The following KCNH8 variants were observed in gnomAD, a reference collection of about 807,000 sequenced individuals.
KCNH8 encodes potassium voltage-gated channel subfamily H member 8, also known as voltage-gated delayed rectifier potassium channel KCNH8.
Under a neutral mutation model 103.6 loss-of-function variants are expected in KCNH8, and 70 were observed. The observed-to-expected ratio is 0.68, with a 90% CI of 0.56 to 0.82. The LOEUF is 0.82. Among genes scored for constraint, KCNH8 ranks in the 40% least tolerant of loss-of-function variants. KCNH8 has a pLI of 0.00. For synonymous variants in KCNH8, 498 were observed against 489.4 expected (o/e 1.02, Z -0.23); for missense variants, 1,217 against 1,329.9 (o/e 0.92, Z 1.32).
chr3:19,521,516 C>T (rs535528845), intron 15 of KCNH8, among the ~76,000 whole-genome samples: 59 of 151,978 alleles, frequency 3.9e-4, no homozygotes, highest in African/African-American at 1.3e-3. Flanking sequence ...ATTCAACAAA[C>T]GGTGACTCTC....
At chr3:19,353,432 AAAG>A (rs572647675) in intron 5 of KCNH8, among the ~76,000 whole-genome samples, 86 of 152,168 alleles carry the variant, frequency 5.7e-4, no homozygotes, top group Admixed American at 8.5e-4. Flanking sequence ...CAAAACAAAA[AAAG>A]AGAATTTTAG....
chr3:19,156,139 T>A (rs1322854253), intron 1 of KCNH8, among the ~76,000 whole-genome samples: 3 of 152,182 alleles, frequency 2.0e-5, no homozygotes, highest in Non-Finnish European at 2.9e-5. Flanking sequence ...CAAATTTCTT[T>A]TACAAACTCT....
chr3:19,335,483 GTATA>G (rs3067331), intron 3 of KCNH8, among the ~76,000 whole-genome samples: 4,004 of 141,246 alleles, frequency 0.028, 99 homozygotes, highest in African/African-American at 0.064. Context: ...ATATGTGTGT[GTATA>G]TATATATATA....
chr3:19,257,685 C>G (rs1209359677), intron 2 of KCNH8, among the ~76,000 whole-genome samples: 4 of 151,956 alleles, frequency 2.6e-5, no homozygotes, highest in Admixed American at 2.6e-4. Flanking sequence ...ACGTAGAGAA[C>G]AAAGATTTAA....
Position 19,253,883 on chromosome 3 carries a change from A to G in KCNH8, c.306A>G (p.Lys102=). 6.2e-7 allele frequency: 1 copy of G among 1,609,328 alleles called. No individual in the cohort carries two copies. The highest frequency in any genetic ancestry group is 8.5e-7 in the Non-Finnish European group (1 of 1,175,956). Residue 102 remains lysine, a synonymous_variant, in exon 2 of 16, where the codon AAA becomes AAG. Coordinates refer to ENST00000328405, the MANE Select transcript of KCNH8 (RefSeq NM_144633.3). ...AAGGAGAAATTATGTTCTACAAGAA[A>G]AACGGTGAGTTGGCTTTCTTTCGTG... ...EFKGEIMFYK[K]NGSPFWCLLD...
At chr3:19,242,253 G>A (rs1343310457) in intron 1 of KCNH8, among the ~76,000 whole-genome samples, 1 of 152,176 alleles carries the variant, frequency 6.6e-6, no homozygotes, top group Non-Finnish European at 1.5e-5. Flanking sequence ...AAAAGCAGGT[G>A]TTAAATCCAC....
chr3:19,287,902 C>T (rs1381845422), intron 3 of KCNH8, among the ~76,000 whole-genome samples: 2 of 152,092 alleles, frequency 1.3e-5, no homozygotes, highest in Non-Finnish European at 2.9e-5. Context: ...GACTTTCTAA[C>T]TACCATTTCA....
chr3:19,377,265 A>G (rs748773139), intron 5 of KCNH8, among the ~76,000 whole-genome samples: 9 of 152,342 alleles, frequency 5.9e-5, no homozygotes, highest in Non-Finnish European at 1.3e-4. Context: ...TTTCTGCTGT[A>G]CAGGATCCAC....
In KCNH8 at chr3:19,240,787, T is replaced by C. The variant is rs141502922; in HGVS notation, c.77-12867T>C. ...TAAGATACACCTCTGCCTTTCTAGT[T>C]ATTAAGGCAAAAGCATTGACATCAT... On this transcript the variant is annotated intron_variant, in intron 1 of 15. Transcript: ENST00000328405. 1.8e-3 allele frequency among the ~76,000 whole-genome samples: 280 copies of C among 152,210 alleles called. 4 individuals are homozygous for C. Among genetic ancestry groups the C allele is most frequent in the Admixed American group, 0.016 (238 of 15,298 alleles).
At chr3:19,234,380 T>G (rs1370204815) in intron 1 of KCNH8, among the ~76,000 whole-genome samples, 1 of 152,080 alleles carries the variant, frequency 6.6e-6, no homozygotes, top group African/African-American at 2.4e-5. Context: ...GCCCACGGAG[T>G]TGGGGGGAGG....
chr3:19,344,866 T>C (rs2065708575), intron 4 of KCNH8, among the ~76,000 whole-genome samples: 1 of 152,208 alleles, frequency 6.6e-6, no homozygotes, highest in South Asian at 2.1e-4. Flanking sequence ...CTGATTTTTA[T>C]TAGTCCCATT....
intron 1 of KCNH8, among the ~76,000 whole-genome samples, chr3:19,152,040 A>G (rs1369929301): frequency 6.6e-6 from 1 of 152,128 alleles, no homozygotes; most frequent in East Asian, 1.9e-4. Context: ...ATTATTACAC[A>G]TAGCAAAAAC....
At chr3:19,440,814 C>T (rs2067272181) in intron 8 of KCNH8, among the ~76,000 whole-genome samples, 1 of 152,174 alleles carries the variant, frequency 6.6e-6, no homozygotes, top group Non-Finnish European at 1.5e-5. Flanking sequence ...AGTGTTCTGA[C>T]ATAATACCAT....
At chr3:19,419,151 A>G (rs1391385702) in intron 7 of KCNH8, among the ~76,000 whole-genome samples, 1 of 130,706 alleles carries the variant, frequency 7.7e-6, no homozygotes, top group Non-Finnish European at 1.7e-5. Flanking sequence ...TGTATTTAGG[A>G]TTTTTCCATC....
At chr3:19,318,640 AGTGTGTGTGTGTGTGTGT>A (rs113809907) in intron 3 of KCNH8, among the ~76,000 whole-genome samples, 1 of 131,310 alleles carries the variant, frequency 7.6e-6, no homozygotes, top group Admixed American at 7.9e-5. Context: ...TTACATGGTA[AGTGTGTGTGTGTGTGTGT>A]GTGTACACAC....
intron 5 of KCNH8, among the ~76,000 whole-genome samples, chr3:19,368,929 A>G (rs1300051179): frequency 6.6e-6 from 1 of 152,034 alleles, no homozygotes; most frequent in Admixed American, 6.6e-5. Context: ...TCTCATTTGA[A>G]ACATATAAAA....
intron 1 of KCNH8, among the ~76,000 whole-genome samples, chr3:19,193,510 G>A (rs1297917085): frequency 1.3e-5 from 2 of 151,606 alleles, no homozygotes; most frequent in Non-Finnish European, 3.0e-5. Context: ...GATAAGACAC[G>A]ATTTTTACCT....
At chr3:19,411,576 C>T (rs1439550127) in intron 7 of KCNH8, among the ~76,000 whole-genome samples, 1 of 151,944 alleles carries the variant, frequency 6.6e-6, no homozygotes, top group Non-Finnish European at 1.5e-5. Flanking sequence ...GTCAAACTCT[C>T]TTTTGGGGAG....
chr3:19,255,606 T>C (rs1296799597), intron 2 of KCNH8, among the ~76,000 whole-genome samples: 1 of 152,038 alleles, frequency 6.6e-6, no homozygotes. Context: ...CGTTTACCTG[T>C]GTAACAAACC....
Sources: gnomAD v4.1 joint callset for allele counts (sites outside exome capture counted in the v4.1 genomes callset) on GRCh38, gnomAD v4.1.1 for gene constraint, MANE v1.5 for transcripts, NCBI Gene and HGNC (gene_info 2026-07-23, HGNC 2026-07-21) for gene names.